PHC3: variants seen among roughly 807,000 people sequenced by gnomAD.
PHC3 encodes the protein polyhomeotic-like protein 3.
Under a neutral mutation model 107.4 loss-of-function variants are expected in PHC3, and 13 were observed. The observed-to-expected ratio is 0.12, with a 90% CI of 0.08 to 0.19. PHC3 has a LOEUF of 0.19. PHC3 is among the 10% of genes least tolerant of loss of function. The pLI, the probability that PHC3 is intolerant of heterozygous loss-of-function variation, is 1.00. For missense variants in PHC3, 992 were observed against 1,210.9 expected (o/e 0.82, Z 2.68); for synonymous variants, 456 against 427.4 (o/e 1.07, Z -0.83).
chr3:170,102,068 GTCTC>G (rs1389283889), intron 14 of PHC3: 2 of 867,420 alleles, frequency 2.3e-6, no homozygotes, highest in South Asian at 5.3e-5. Context: ...AAAGAAAAAA[GTCTC>G]TCTTACTTCA....
rs1318745408 is a variant in PHC3 at position 170,091,420 on chromosome 3, C to A, written c.*5810G>T. 4 of 152,050 alleles carry A rather than the reference C, an allele frequency of 2.6e-5. No homozygotes were observed. Among genetic ancestry groups the A allele is most frequent in the Non-Finnish European group, 5.9e-5 (4 of 67,984 alleles). 9.4% of individuals were successfully genotyped at this position (152,050 alleles called of 1,614,324 possible). On this transcript the variant is annotated 3_prime_UTR_variant, in exon 15 of 15. Coordinates refer to ENST00000495893, the MANE Select transcript of PHC3 (RefSeq NM_024947.4). ...TGAGAGGACTAGTACTTGTAAAAAG[C>A]AGTAGAAACAAAAATATTTTTCAAA...
chr3:170,111,321 C>T (rs6768770), intron 11 of PHC3, among the ~76,000 whole-genome samples: 3 of 78,694 alleles, frequency 3.8e-5, no homozygotes, highest in African/African-American at 9.8e-5. Context: ...AAGGAAGGAA[C>T]GAACGAACGA....
At position 170,108,264 on chromosome 3, in the gene PHC3, G is replaced by A. The variant is rs541601612; in HGVS notation, c.2354-1318C>T. Among the ~76,000 whole-genome samples the A allele has an allele frequency of 2.6e-5, 4 of 152,208 alleles. No individual in the cohort carries two copies. The East Asian group carries it at 7.7e-4, about 29-fold the overall frequency. On this transcript the variant is annotated intron_variant, in intron 11 of 14. Coordinates refer to ENST00000495893, the MANE Select transcript of PHC3 (RefSeq NM_024947.4). ...ATGTTACTCATTTAATAAAGACTAA[G>A]ATAAATACAAGGACTCAGAAATGTA...
intron 9 of PHC3, among the ~76,000 whole-genome samples, 165 bp from the exon 10 acceptor site, chr3:170,117,641 G>A (rs1719294733): frequency 6.6e-6 from 1 of 152,128 alleles, no homozygotes; most frequent in Non-Finnish European, 1.5e-5. Context: ...AATCTTCTAA[G>A]GTAGAAGCGA....
At chr3:170,159,251 C>CAAAAAAAA (rs1278767405) in intron 4 of PHC3, among the ~76,000 whole-genome samples, 1 of 69,562 alleles carries the variant, frequency 1.4e-5, no homozygotes, top group Admixed American at 1.7e-4. Flanking sequence ...GACTCGGTCT[C>CAAAAAAAA]AAAAAAAAAA....
At chr3:170,124,862 T>C (rs1468604267) in intron 8 of PHC3, among the ~76,000 whole-genome samples, 17 of 152,134 alleles carry the variant, frequency 1.1e-4, no homozygotes, top group African/African-American at 4.1e-4. Flanking sequence ...GTTTCACCTA[T>C]AAGGATATAA....
At chr3:170,130,575 CAGAA>C (rs1722086654) in intron 7 of PHC3, among the ~76,000 whole-genome samples, 1 of 152,046 alleles carries the variant, frequency 6.6e-6, no homozygotes, top group Non-Finnish European at 1.5e-5. Flanking sequence ...ATGAGACAAT[CAGAA>C]GCCCATGCTA....
At chr3:170,156,059 T>C (rs1001177286) in intron 4 of PHC3, among the ~76,000 whole-genome samples, 5 of 152,194 alleles carry the variant, frequency 3.3e-5, no homozygotes, top group East Asian at 3.8e-4. Context: ...CATTATTTAG[T>C]GGGAACTGCT....
At chr3:170,165,853 A>T (rs1404836440) in intron 4 of PHC3, among the ~76,000 whole-genome samples, 1 of 151,104 alleles carries the variant, frequency 6.6e-6, no homozygotes, top group Non-Finnish European at 1.5e-5. Context: ...CTATAGTTCC[A>T]GCTACTTAGG....
chr3:170,089,305 C>T lies in PHC3; in HGVS notation c.*7925G>A, dbSNP rs1002591529. The T allele has an allele frequency of 7.9e-5, 12 of 152,156 alleles. No homozygotes were observed. Among genetic ancestry groups the T allele is most frequent in the Non-Finnish European group, 1.5e-5 (1 of 68,026 alleles). 9.4% of individuals were successfully genotyped at this position (152,156 alleles called of 1,614,324 possible). ...TCAACAGGAATTACAATGTGATTCA[C>T]AGATCCCAGAATGACAAGGAAGGGA... On this transcript the variant is annotated 3_prime_UTR_variant, in exon 15 of 15. Coordinates refer to ENST00000495893, the MANE Select transcript of PHC3 (RefSeq NM_024947.4).
At chr3:170,133,753 C>G (rs1458063687) in intron 7 of PHC3, among the ~76,000 whole-genome samples, 1 of 152,098 alleles carries the variant, frequency 6.6e-6, no homozygotes, top group African/African-American at 2.4e-5. Flanking sequence ...TATTGACCAT[C>G]AGAGGAATGC....
Position 170,111,309 on chromosome 3 carries a change from G to GAACGAAC in PHC3, c.2353+2050_2353+2051insGTTCGTT, listed in dbSNP as rs1560033276. The stretch of plus-strand genomic sequence containing the variant: ...AGGAAGGAAGGAAGGAAGGAAGGAA[G>GAACGAAC]GAAGGAAGGAACGAACGAACGAAAG... On this transcript the variant is annotated intron_variant, in intron 11 of 14. Coordinates refer to ENST00000495893, the MANE Select transcript of PHC3 (RefSeq NM_024947.4). 1.1e-3 allele frequency among the ~76,000 whole-genome samples: 110 copies of GAACGAAC among 97,910 alleles called. 1 individual carries two copies. Among genetic ancestry groups the GAACGAAC allele is most frequent in the East Asian group, 2.9e-3 (10 of 3,422 alleles). 64.2% of individuals were successfully genotyped at this position (97,910 alleles called of 152,430 possible).
intron 4 of PHC3, among the ~76,000 whole-genome samples, chr3:170,156,705 CT>C (rs1726958582): frequency 6.6e-6 from 1 of 152,096 alleles, no homozygotes; most frequent in Admixed American, 6.6e-5. Context: ...TCAAGTGATT[CT>C]CCTGCCTCAG....
chr3:170,102,035 A>G (rs1715573326), intron 14 of PHC3: 13 of 653,152 alleles, frequency 2.0e-5, no homozygotes, highest in Non-Finnish European at 2.1e-5. Flanking sequence ...AAAGGTTTTG[A>G]TTAGCTTTCA....
At chr3:170,130,802 C>T (rs1577087326) in intron 7 of PHC3, among the ~76,000 whole-genome samples, 1 of 152,036 alleles carries the variant, frequency 6.6e-6, no homozygotes, top group East Asian at 1.9e-4. Flanking sequence ...TGATGAAATC[C>T]TAAGTAAGAA....
intron 7 of PHC3, 113 bp from the exon 8 acceptor site, chr3:170,129,665 T>C: frequency 6.1e-6 from 7 of 1,142,316 alleles, no homozygotes; most frequent in Admixed American, 2.4e-5. Flanking sequence ...CAGAATTCTA[T>C]TACAAGTTTT....
chr3:170,123,356 TAC>T (rs3980601), intron 8 of PHC3, among the ~76,000 whole-genome samples: 17 of 149,922 alleles, frequency 1.1e-4, no homozygotes, highest in Middle Eastern at 3.4e-3. Flanking sequence ...TTGAAATGCA[TAC>T]ACACACACAC....
intron 2 of PHC3, among the ~76,000 whole-genome samples, chr3:170,176,140 C>T (rs1483955573): frequency 2.0e-5 from 3 of 150,080 alleles, no homozygotes; most frequent in South Asian, 2.1e-4. Context: ...GCAGGAGAAT[C>T]GCTTGAACCT....
chr3:170,164,681 T>C (rs1728448803), intron 4 of PHC3, among the ~76,000 whole-genome samples: 1 of 152,094 alleles, frequency 6.6e-6, no homozygotes, highest in African/African-American at 2.4e-5. Flanking sequence ...GGTAATGAAT[T>C]CTCTGGATTT....
Sources: allele counts gnomAD v4.1 joint callset (sites outside exome capture counted in the v4.1 genomes callset), GRCh38; gene constraint gnomAD v4.1.1; transcripts MANE v1.5; gene names NCBI Gene and HGNC (gene_info 2026-07-23, HGNC 2026-07-21).